The following COL5A2 variants were observed in gnomAD, a reference collection of about 807,000 sequenced individuals.
The protein encoded by COL5A2 is collagen type V alpha 2 chain.
A neutral mutation model predicts 208.2 loss-of-function variants in COL5A2; 23 were observed. The observed-to-expected ratio is 0.11, with a 90% CI of 0.08 to 0.16. The LOEUF is 0.16. COL5A2 is among the 10% of genes least tolerant of loss of function. The probability of loss-of-function intolerance (pLI) is 1.00; values close to 1 mark genes in which losing one functional copy is unlikely to be tolerated. For synonymous variants in COL5A2, 625 were observed against 628.5 expected, an observed-to-expected ratio of 0.99 and a Z score of 0.08; for missense variants, 1,590 against 1,956.4, an observed-to-expected ratio of 0.81 and a Z score of 3.53.
the COL5A2 span, among the ~76,000 whole-genome samples, chr2:189,289,648 C>T: frequency 3.9e-5 from 6 of 152,064 alleles, no homozygotes; most frequent in East Asian, 1.9e-4. Context: ...CTAGACTCCA[C>T]GGAGAAAGCT....
chr2:189,266,823 A>G, the COL5A2 span, among the ~76,000 whole-genome samples: 2 of 152,164 alleles, frequency 1.3e-5, no homozygotes, highest in African/African-American at 4.8e-5. Flanking sequence ...ATACTGCTCA[A>G]AAGCACTTTC....
chr2:189,433,199 T>C, the COL5A2 span, among the ~76,000 whole-genome samples: 1 of 152,134 alleles, frequency 6.6e-6, no homozygotes, highest in Admixed American at 6.5e-5. Context: ...GGGAGAAATT[T>C]ATAGCACTAA....
chr2:189,395,393 A>G, the COL5A2 span, among the ~76,000 whole-genome samples: 2 of 152,198 alleles, frequency 1.3e-5, no homozygotes, highest in Non-Finnish European at 2.9e-5. Context: ...AAATTTTAGT[A>G]TCTCTTTTTA....
intron 17 of COL5A2, among the ~76,000 whole-genome samples, chr2:189,073,999 A>G (rs963183894): frequency 6.6e-6 from 1 of 152,168 alleles, no homozygotes; most frequent in African/African-American, 2.4e-5. Flanking sequence ...GCAGCAATTG[A>G]GGCTATTCAC....
chr2:189,190,198 A>C (rs1688905838), intron 1 of COL5A2, among the ~76,000 whole-genome samples: 1 of 152,136 alleles, frequency 6.6e-6, no homozygotes, highest in African/African-American at 2.4e-5. Flanking sequence ...TGTTTTCTTA[A>C]AGTATGTGAG....
chr2:189,247,392 ACATG>A, the COL5A2 span, among the ~76,000 whole-genome samples: 1 of 152,074 alleles, frequency 6.6e-6, no homozygotes, highest in African/African-American at 2.4e-5. Context: ...GGATTGTGAA[ACATG>A]CACCCATAAC....
At chr2:189,063,749 T>A (rs1400111221) in intron 26 of COL5A2, among the ~76,000 whole-genome samples, 2 of 152,196 alleles carry the variant, frequency 1.3e-5, no homozygotes, top group East Asian at 1.9e-4. Context: ...TTTTCACTGA[T>A]GTCAGGCAGG....
rs1553515318 is a variant in COL5A2 at position 189,063,004 on chromosome 2, A to AT, written c.1923+5dup. The AT allele has an allele frequency of 9.3e-6, 15 of 1,614,028 alleles. No individual in the cohort carries two copies. The highest frequency in any genetic ancestry group is 1.3e-5 in the Non-Finnish European group (15 of 1,179,988). On this transcript the variant is annotated splice_donor_region_variant and intron_variant, in intron 28 of 53. Coordinates refer to ENST00000374866, the MANE Select transcript of COL5A2 (RefSeq NM_000393.5). Reference sequence around the variant, plus strand: ...TATTTTTCTTTAGCAGAAAATGTATATTTACCCTCTGCCCAGGAACTCCAG... The same window carrying AT: ...TATTTTTCTTTAGCAGAAAATGTATATTTTACCCTCTGCCCAGGAACTCCAG...
At chr2:189,073,569 T>C (rs932006202) in intron 17 of COL5A2, among the ~76,000 whole-genome samples, 1 of 152,116 alleles carries the variant, frequency 6.6e-6, no homozygotes, top group Admixed American at 6.5e-5. Context: ...TTCTAGTGTA[T>C]AGCCAAAGTT....
intron 1 of COL5A2, among the ~76,000 whole-genome samples, chr2:189,137,100 G>A (rs1025443467): frequency 1.1e-4 from 16 of 151,968 alleles, no homozygotes; most frequent in African/African-American, 1.7e-4. Flanking sequence ...TGTTTTCTTC[G>A]TTCGTGTTTA....
chr2:189,298,210 TTGAC>T, the COL5A2 span, among the ~76,000 whole-genome samples: 1 of 152,172 alleles, frequency 6.6e-6, no homozygotes, highest in African/African-American at 2.4e-5. Context: ...GCCTTTTTGT[TTGAC>T]TGGCTGCTAT....
chr2:189,035,252 T>A lies in COL5A2; in HGVS notation c.4114-97A>T, dbSNP rs1374165382. The A allele has an allele frequency of 1.1e-5, 16 of 1,489,518 alleles. 1 individual carries two copies. The South Asian group carries it at 1.9e-4, about 18-fold the overall frequency. The allele number at this position is 1,489,518 out of a possible 1,614,324, so 92.3% of individuals were successfully genotyped here. Reference sequence around the variant, plus strand: ...AATATATAAATTGATTTCAGATAAATCAATTTTGAAGAGTATTACTTTAAT... The same window carrying A: ...AATATATAAATTGATTTCAGATAAAACAATTTTGAAGAGTATTACTTTAAT... On this transcript the variant is annotated intron_variant, in intron 52 of 53. Transcript: ENST00000374866.
rs1685843271 is a variant in COL5A2, at chr2:189,053,877, C to CAA, written c.2499+16_2499+17dup. ...TGCTCAATCTCACACTAAAGAACAC[C>CAA]AAAATACTGTCACTTACAGGATTGC... On this transcript the variant is annotated intron_variant, in intron 37 of 53. Transcript: ENST00000374866. 3.7e-6 allele frequency: 6 copies of CAA among 1,608,416 alleles called. No homozygotes were observed. Among genetic ancestry groups the CAA allele is most frequent in the Middle Eastern group, 1.7e-4 (1 of 6,056 alleles).
chr2:189,111,506 C>T (rs1035952042), intron 1 of COL5A2, among the ~76,000 whole-genome samples: 49 of 152,236 alleles, frequency 3.2e-4, no homozygotes, highest in African/African-American at 1.2e-3. Flanking sequence ...CTTCCTTCAT[C>T]CCAGGCCCAC....
intron 18 of COL5A2, among the ~76,000 whole-genome samples, chr2:189,070,036 C>T (rs1391741730): frequency 6.6e-6 from 1 of 152,148 alleles, no homozygotes; most frequent in Non-Finnish European, 1.5e-5. Flanking sequence ...TAATAGCTCC[C>T]TTTATTTCAA....
chr2:189,141,777 G>A (rs1009250039), intron 1 of COL5A2, among the ~76,000 whole-genome samples: 1 of 152,068 alleles, frequency 6.6e-6, no homozygotes, highest in Non-Finnish European at 1.5e-5. Context: ...CCTTTTAATA[G>A]GATCAAGGAG....
At chr2:189,141,423 G>A (rs1395193681) in intron 1 of COL5A2, among the ~76,000 whole-genome samples, 1 of 152,096 alleles carries the variant, frequency 6.6e-6, no homozygotes, top group Non-Finnish European at 1.5e-5. Flanking sequence ...GATTTCACAG[G>A]CAGTGAAAAG....
In COL5A2 at chr2:189,110,300, C is replaced by A. The variant is rs1553519033; in HGVS notation, c.247G>T (p.Ala83Ser). ...TCCCCAGGGGGCGTTACAGGGTCGG[C>A]ACAGTCCAGCACATCCTGGCATTCT... ...KIECQDVLDC[A>S]DPVTPPGECC... Residue 83 changes from alanine (A) to serine (S), a missense_variant, in exon 2 of 54, where the codon GCC becomes TCC. Physicochemically the swap from Ala to Ser is moderately conservative, Grantham distance 99. Transcript: ENST00000374866. The A allele has an allele frequency of 1.2e-6, 2 of 1,614,098 alleles. No individual in the cohort carries two copies. Among genetic ancestry groups the A allele is most frequent in the African/African-American group, 1.3e-5 (1 of 75,034 alleles).
rs1686113136 is a variant in COL5A2, at chr2:189,064,859, G to C, written c.1617+145C>G. ...CTCTTAATACAGGAATTACACAAGA[G>C]AGGATTGGGGTTAGGCCTGGTATTT... is the stretch of plus-strand genomic sequence containing the variant. On this transcript the variant is annotated intron_variant, in intron 24 of 53. Coordinates refer to ENST00000374866, the MANE Select transcript of COL5A2 (RefSeq NM_000393.5). The C allele has an allele frequency of 5.8e-5, 52 of 902,542 alleles. 1 individual carries two copies. The South Asian group carries it at 7.2e-4, about 13-fold the overall frequency. 55.9% of individuals were successfully genotyped at this position (902,542 alleles called of 1,614,324 possible).
Sources: allele counts gnomAD v4.1 joint callset (sites outside exome capture counted in the v4.1 genomes callset), GRCh38; gene constraint gnomAD v4.1.1; transcripts MANE v1.5; gene names NCBI Gene and HGNC (gene_info 2026-07-23, HGNC 2026-07-21).